NUMB: variants seen among roughly 807,000 people sequenced by gnomAD.
NUMB encodes protein numb homolog.
In NUMB, 29 loss-of-function variants were observed where a neutral mutation model predicts 59.7. The ratio of observed to expected loss-of-function variants is 0.49; its 90% CI spans 0.36 to 0.66. The LOEUF (loss-of-function observed/expected upper bound fraction) is 0.66, where lower values mean the gene tolerates loss of function less well. Ranked by LOEUF, NUMB falls within the 30% of genes least tolerant of loss-of-function variation. The pLI, the probability that NUMB is intolerant of heterozygous loss-of-function variation, is 0.00. For missense variants in NUMB, 723 were observed against 822.0 expected (o/e 0.88, Z 1.47); for synonymous variants, 288 against 288.2 (o/e 1.00, Z 0.01).
intron 1 of NUMB, among the ~76,000 whole-genome samples, chr14:73,424,314 T>C (rs1897488859): frequency 2.0e-5 from 3 of 152,234 alleles, no homozygotes; most frequent in Admixed American, 2.0e-4. Context: ...AGAATCCTAA[T>C]ATGTCTTCTA....
intron 8 of NUMB, among the ~76,000 whole-genome samples, chr14:73,289,745 C>A (rs1889267239): frequency 6.6e-6 from 1 of 152,206 alleles, no homozygotes; most frequent in African/African-American, 2.4e-5. Context: ...GAGTTTCCAT[C>A]TAACTTCCCA....
chr14:73,287,064 G>A (rs1406918180), intron 9 of NUMB, 46 bp downstream of exon 9: 1 of 1,562,880 alleles, frequency 6.4e-7, no homozygotes, highest in Non-Finnish European at 8.8e-7. Flanking sequence ...ATACCTTGTT[G>A]GGAAAAACTG....
chr14:73,451,431 G>A (rs1312872030), intron 1 of NUMB, among the ~76,000 whole-genome samples: 4 of 132,208 alleles, frequency 3.0e-5, no homozygotes, highest in Admixed American at 1.5e-4. Flanking sequence ...AGGAGACACC[G>A]TCTAAAAAAA....
rs1198947760 is a variant in NUMB, at chr14:73,292,771, C to T, written c.413G>A (p.Arg138His). The T allele has an allele frequency of 1.9e-6, 3 of 1,614,180 alleles. No individual in the cohort carries two copies. The highest frequency in any genetic ancestry group is 1.7e-6 in the Non-Finnish European group (2 of 1,180,012). Residue 138 changes from arginine to histidine, a missense_variant, in exon 8 of 13, where the codon CGC (arginine) becomes CAC (histidine). This residue lies in a region of NUMB where 317 missense variants were observed against 436.6 expected (regional missense o/e 0.73). Coordinates refer to ENST00000555238, the MANE Select transcript of NUMB (RefSeq NM_001005743.2). ...SYICRDGTTR[R>H]WICHCFMAVK... is the part of the protein sequence containing the mutation. ...AGCCATGAAGCAGTGACAGATCCAG[C>T]GACGAGTGGTGCCATCACGGCATAT... is the stretch of plus-strand genomic sequence containing the variant.
chr14:73,343,815 T>G (rs1434378269), intron 4 of NUMB, among the ~76,000 whole-genome samples: 1 of 152,214 alleles, frequency 6.6e-6, no homozygotes, highest in Non-Finnish European at 1.5e-5. Flanking sequence ...TTTGAAATAC[T>G]ATGTATGTAA....
At chr14:73,277,921 G>A (rs925413831) in intron 12 of NUMB, among the ~76,000 whole-genome samples, 1 of 151,936 alleles carries the variant, frequency 6.6e-6, no homozygotes, top group Non-Finnish European at 1.5e-5. Context: ...AGCTGGGCGT[G>A]GTGGTATGCA....
intron 6 of NUMB, among the ~76,000 whole-genome samples, chr14:73,313,152 A>G (rs1465200652): frequency 2.6e-5 from 4 of 151,794 alleles, no homozygotes; most frequent in Non-Finnish European, 5.9e-5. Flanking sequence ...ATGCCCAGCT[A>G]ATTTTTTTTG....
intron 1 of NUMB, among the ~76,000 whole-genome samples, chr14:73,448,489 C>G (rs544022559): frequency 6.6e-6 from 1 of 152,168 alleles, no homozygotes; most frequent in African/African-American, 2.4e-5. Flanking sequence ...CCACACCAGG[C>G]CAGATTTTAA....
At position 73,351,688 on chromosome 14, in the gene NUMB, T is replaced by C. The variant is rs552717314; in HGVS notation, c.126+3938A>G. On this transcript the variant is annotated intron_variant, in intron 4 of 12. Transcript: ENST00000555238. Reference sequence around the variant, plus strand: ...GTTGAACTGTACACTTAAAAATGCTTACAAGGGGCCAGGCGCGGTGGCTCA... The same window carrying C: ...GTTGAACTGTACACTTAAAAATGCTCACAAGGGGCCAGGCGCGGTGGCTCA... Among the ~76,000 whole-genome samples, 3 of 151,564 alleles carry C rather than the reference T, an allele frequency of 2.0e-5. No homozygotes were observed. In the South Asian group the frequency reaches 6.3e-4, roughly 32 times the overall value.
rs547604020 is a variant in NUMB at position 73,384,698 on chromosome 14, G to T, written c.-100-17717C>A. The stretch of plus-strand genomic sequence containing the variant: ...TCCTCCCACCTCAGCCTTCCAAGTA[G>T]CTGAGATTATAGGCACGTGCCACCA... On this transcript the variant is annotated intron_variant, in intron 2 of 12. Transcript: ENST00000555238. Among the ~76,000 whole-genome samples the T allele has an allele frequency of 5.9e-5, 9 of 151,864 alleles. No individual in the cohort carries two copies. In the East Asian group the frequency reaches 1.7e-3, roughly 29 times the overall value.
intron 1 of NUMB, among the ~76,000 whole-genome samples, chr14:73,422,514 A>C (rs1451799112): frequency 6.6e-6 from 1 of 152,190 alleles, no homozygotes; most frequent in African/African-American, 2.4e-5. Flanking sequence ...AAGGAAACTG[A>C]AACTAGGAAA....
chr14:73,368,484 G>A (rs1400389312), intron 2 of NUMB, among the ~76,000 whole-genome samples: 1 of 152,066 alleles, frequency 6.6e-6, no homozygotes, highest in African/African-American at 2.4e-5. Context: ...TCGGGAGGCT[G>A]AGGCAGGAGA....
intron 4 of NUMB, among the ~76,000 whole-genome samples, chr14:73,330,391 T>A (rs963795180): frequency 1.2e-4 from 18 of 152,264 alleles, no homozygotes; most frequent in South Asian, 4.1e-4. Flanking sequence ...ATATATATAT[T>A]TTTTTCATAG....
At position 73,367,348 on chromosome 14, in the gene NUMB, T is replaced by TAGAGAGAGAGAGAGAGAGAG. The variant is rs71112740; in HGVS notation, c.-100-387_-100-368dup. Among the ~76,000 whole-genome samples, 145 of 105,292 alleles carry TAGAGAGAGAGAGAGAGAGAG rather than the reference T, an allele frequency of 1.4e-3. 1 individual carries two copies. The highest frequency in any genetic ancestry group is 5.4e-3 in the South Asian group (19 of 3,496). The allele number at this position is 105,292 out of a possible 152,430, so 69.1% of individuals were successfully genotyped here. ...ATATATACATATATATATATATATATAGAGAGAGAGAGAGAGAGAGAGAGA... is the reference window on the plus strand; with the variant it reads ...ATATATACATATATATATATATATATAGAGAGAGAGAGAGAGAGAGAGAGAGAGAGAGAGAGAGAGAGAGA... On this transcript the variant is annotated intron_variant, in intron 2 of 12. Transcript: ENST00000555238.
chr14:73,350,668 A>G, intron 4 of NUMB, among the ~76,000 whole-genome samples: 1 of 142,140 alleles, frequency 7.0e-6, no homozygotes, highest in African/African-American at 2.6e-5. Context: ...TGTAGCTCAG[A>G]TGACAGGTGT....
intron 1 of NUMB, among the ~76,000 whole-genome samples, chr14:73,418,240 A>T (rs1267587452): frequency 6.6e-6 from 1 of 152,250 alleles, no homozygotes; most frequent in Non-Finnish European, 1.5e-5. Flanking sequence ...AAAAATAAAC[A>T]AATATTGTAT....
At position 73,365,796 on chromosome 14, in the gene NUMB, A is replaced by C. The variant is rs1299377977; in HGVS notation, c.-16+1101T>G. On this transcript the variant is annotated intron_variant, in intron 3 of 12. Coordinates refer to ENST00000555238, the MANE Select transcript of NUMB (RefSeq NM_001005743.2). ...TAATCATAGATACCTTACTTTAATG[A>C]AATTGTAGTAATAGTTAATCAGCAC... Among the ~76,000 whole-genome samples, 5 of 152,228 alleles carry C rather than the reference A, an allele frequency of 3.3e-5. No individual in the cohort carries two copies. The East Asian group carries it at 9.6e-4, about 29-fold the overall frequency.
rs990543034 is a variant in NUMB, at chr14:73,409,975, A to G, written c.-139T>C. ...GGCGTCTGAGGATTGCTGGCCCACCAATATTCCAATCTATGGATATAGATC... is the reference window on the plus strand; with the variant it reads ...GGCGTCTGAGGATTGCTGGCCCACCGATATTCCAATCTATGGATATAGATC... On this transcript the variant is annotated 5_prime_UTR_variant, in exon 2 of 13. Transcript: ENST00000555238. The G allele has an allele frequency of 1.3e-5, 2 of 152,248 alleles. No homozygotes were observed. The highest frequency in any genetic ancestry group is 2.9e-5 in the Non-Finnish European group (2 of 68,048). 9.4% of individuals were successfully genotyped at this position (152,248 alleles called of 1,614,324 possible).
chr14:73,305,506 T>C (rs537429207), intron 6 of NUMB, among the ~76,000 whole-genome samples: 9 of 152,238 alleles, frequency 5.9e-5, no homozygotes, highest in Admixed American at 4.6e-4. Flanking sequence ...GAGCATGCCA[T>C]TAATTAACAA....
Sources: allele counts gnomAD v4.1 joint callset (sites outside exome capture counted in the v4.1 genomes callset), GRCh38; gene constraint gnomAD v4.1.1; regional missense constraint gnomAD v4.1.1; transcripts MANE v1.5; gene names NCBI Gene and HGNC (gene_info 2026-07-23, HGNC 2026-07-21).